Variants in RLIG1 observed in about 807,000 individuals in gnomAD.
RLIG1 encodes the protein RNA 5'-phosphate and 3'-OH ligase 1, also known as RNA ligase 1.
the RLIG1 span, chr12:88,036,016 T>C: frequency 6.7e-7 from 1 of 1,486,306 alleles, no homozygotes; most frequent in South Asian, 1.2e-5. Flanking sequence ...ATAACTCACA[T>C]CCACAGCATG....
the RLIG1 span, chr12:88,044,678 T>C: frequency 6.6e-6 from 1 of 152,112 alleles, no homozygotes; most frequent in Non-Finnish European, 1.5e-5. Flanking sequence ...GGAGTAGACA[T>C]CTGTACTGAA....
chr12:88,048,420 T>A, the RLIG1 span: 1 of 1,363,990 alleles, frequency 7.3e-7, no homozygotes. Context: ...ATTTGATGTA[T>A]AAAATGCAAA....
the RLIG1 span, among the ~76,000 whole-genome samples, chr12:88,040,465 T>G: frequency 6.6e-6 from 1 of 152,166 alleles, no homozygotes; most frequent in Non-Finnish European, 1.5e-5. Flanking sequence ...GTAACTAAAA[T>G]ATTTACTTAA....
chr12:88,049,105 G>T, the RLIG1 span: 1 of 781,364 alleles, frequency 1.3e-6, no homozygotes, highest in Non-Finnish European at 2.1e-6. Context: ...ACTACAGTTC[G>T]GAGAACTGCT....
At chr12:88,039,626 T>A in the RLIG1 span, among the ~76,000 whole-genome samples, 11 of 152,122 alleles carry the variant, frequency 7.2e-5, no homozygotes, top group Non-Finnish European at 1.6e-4. Context: ...TCCTCAAAGT[T>A]TCCCTTTCCA....
At chr12:88,046,030 G>T in the RLIG1 span, among the ~76,000 whole-genome samples, 101 of 152,164 alleles carry the variant, frequency 6.6e-4, 1 homozygote, top group South Asian at 0.021. Context: ...GAAAAGTAAT[G>T]ACTCAGTTGT....
chr12:88,035,854 G>A, the RLIG1 span: 45 of 1,527,258 alleles, frequency 2.9e-5, no homozygotes, highest in Admixed American at 8.2e-5. Context: ...TGCAGGCCAG[G>A]AACCTCTGTA....
the RLIG1 span, among the ~76,000 whole-genome samples, chr12:88,037,429 C>T: frequency 1.3e-5 from 2 of 152,128 alleles, no homozygotes; most frequent in Non-Finnish European, 2.9e-5. Context: ...TTGGATATGT[C>T]GATAGCAAAG....
the RLIG1 span, among the ~76,000 whole-genome samples, chr12:88,037,682 A>G: frequency 6.6e-6 from 1 of 152,204 alleles, no homozygotes; most frequent in Non-Finnish European, 1.5e-5. Flanking sequence ...ATTATATTTT[A>G]AAAGTATTGA....
chr12:88,038,838 T>C, the RLIG1 span, among the ~76,000 whole-genome samples: 1 of 152,202 alleles, frequency 6.6e-6, no homozygotes, highest in African/African-American at 2.4e-5. Flanking sequence ...ACAATGAAGG[T>C]ATACTAATGA....
chr12:88,049,391 T>C, the RLIG1 span: 4 of 1,503,828 alleles, frequency 2.7e-6, no homozygotes, highest in African/African-American at 1.4e-5. Flanking sequence ...TTTCCAGTTC[T>C]TTTTTCAGCT....
At chr12:88,044,115 A>T in the RLIG1 span, 1 of 191,474 alleles carries the variant, frequency 5.2e-6, no homozygotes, top group South Asian at 9.8e-5. Flanking sequence ...TCTACCAAAA[A>T]TACAAAAAAT....
the RLIG1 span, chr12:88,048,657 G>C: frequency 5.2e-5 from 15 of 291,202 alleles, no homozygotes; most frequent in Non-Finnish European, 7.5e-5. Context: ...CTTGGACAAA[G>C]GCTGGATTCT....
At chr12:88,041,875 A>T in the RLIG1 span, 1 of 152,328 alleles carries the variant, frequency 6.6e-6, no homozygotes, top group African/African-American at 2.4e-5. Context: ...TTAAGAAACT[A>T]TAGTGTGTAT....
At chr12:88,043,600 A>G in the RLIG1 span, 1 of 1,592,766 alleles carries the variant, frequency 6.3e-7, no homozygotes, top group East Asian at 2.3e-5. Flanking sequence ...ATTTTTTAGA[A>G]TTTTTTTGGA....
At chr12:88,042,832 A>T in the RLIG1 span, 61 of 1,501,080 alleles carry the variant, frequency 4.1e-5, no homozygotes, top group South Asian at 7.1e-4. Context: ...TAGATCAGCC[A>T]TACCTTTGGG....
At chr12:88,036,151 C>G in the RLIG1 span, 4 of 1,194,514 alleles carry the variant, frequency 3.3e-6, no homozygotes, top group African/African-American at 6.2e-5. Flanking sequence ...CTTGCTTTAC[C>G]TGTTCTGTCC....
At chr12:88,035,794 C>G in the RLIG1 span, 2 of 1,553,776 alleles carry the variant, frequency 1.3e-6, no homozygotes, top group African/African-American at 1.4e-5. Flanking sequence ...CCCCGCGGCG[C>G]TGGCTCAGTG....
At chr12:88,035,568 A>G in the RLIG1 span, 1 of 1,418,062 alleles carries the variant, frequency 7.1e-7, no homozygotes, top group Non-Finnish European at 9.7e-7. Flanking sequence ...CGTGCGGGTG[A>G]CTGCTTCAGG....
Sources: allele counts gnomAD v4.1 joint callset (sites outside exome capture counted in the v4.1 genomes callset), GRCh38; gene constraint gnomAD v4.1.1; transcripts MANE v1.5; gene names NCBI Gene and HGNC (gene_info 2026-07-23, HGNC 2026-07-21).